The following GAK variants were observed in gnomAD, a reference collection of about 807,000 sequenced individuals.
The protein encoded by GAK is cyclin-G-associated kinase.
A neutral mutation model predicts 143.9 loss-of-function variants in GAK; 79 were observed. The observed-to-expected ratio is 0.55, with a 90% confidence interval of 0.46 to 0.66. GAK has a LOEUF of 0.66. GAK is among the 30% of genes least tolerant of loss of function. The probability of loss-of-function intolerance (pLI) is 0.00; values close to 1 mark genes in which losing one functional copy is unlikely to be tolerated. For synonymous variants in GAK, 881 were observed against 765.5 expected, an observed-to-expected ratio of 1.15 and a Z score of -2.49; for missense variants, 1,693 against 1,779.7, an observed-to-expected ratio of 0.95 and a Z score of 0.88.
intron 23 of GAK, among the ~76,000 whole-genome samples, chr4:861,314 G>A (rs546788934): frequency 6.6e-6 from 1 of 152,154 alleles, no homozygotes; most frequent in African/African-American, 2.4e-5. Flanking sequence ...AGGAAGGCCG[G>A]GTGCAGCAGC....
chr4:870,280 C>G lies in GAK; in HGVS notation c.2248+431G>C, dbSNP rs548729467. Among the ~76,000 whole-genome samples, 202 of 152,336 alleles carry G rather than the reference C, an allele frequency of 1.3e-3. 6 individuals carry two copies. The South Asian group carries it at 0.04, about 30-fold the overall frequency. On this transcript the variant is annotated intron_variant, in intron 19 of 27. Coordinates refer to ENST00000314167, the MANE Select transcript of GAK (RefSeq NM_005255.4). ...GGCCCACCTGCCAGCACTTCCTGGGCTGCCGTTTCGAAACTGCTCGGAAGT... is the reference window on the plus strand; with the variant it reads ...GGCCCACCTGCCAGCACTTCCTGGGGTGCCGTTTCGAAACTGCTCGGAAGT...
chr4:883,721 C>T (rs1029970587), intron 12 of GAK, among the ~76,000 whole-genome samples: 23 of 152,264 alleles, frequency 1.5e-4, no homozygotes, highest in Non-Finnish European at 2.9e-5. Flanking sequence ...GCCCTGTCTC[C>T]AGGTGTCGGG....
At chr4:911,825 T>C (rs776789422) in intron 3 of GAK, 38 bp from the exon 4 acceptor site, 6 of 1,465,234 alleles carry the variant, frequency 4.1e-6, no homozygotes, top group Non-Finnish European at 5.7e-6. Context: ...TACATAACCA[T>C]GTCCACAGTT....
rs993195244 is a variant in GAK at position 849,917 on chromosome 4, G to A, written c.3809C>T (p.Ala1270Val). The change falls in exon 27 of 28, where the codon GCG (alanine) becomes GTG (valine). Residue 1270 changes from alanine to valine, a missense_variant. Around this residue, in one of 2 missense-constraint regions of GAK, gnomAD observed 822 missense variants for 788.7 expected, o/e 1.04. Transcript: ENST00000314167. ...PEQVKKHYRR[A>V]VLAVHPDKAA... ...CTTGTCGGGGTGCACAGCCAGCACC[G>A]CGCGGCGATAGTGCTTCTTCACTTG... 13 of 1,500,564 alleles carry A rather than the reference G, an allele frequency of 8.7e-6. No homozygotes were observed. Among genetic ancestry groups the A allele is most frequent in the South Asian group, 1.1e-5 (1 of 89,092 alleles). The allele number at this position is 1,500,564 out of a possible 1,614,324, so 93.0% of individuals were successfully genotyped here.
In GAK at chr4:902,313, A is replaced by C. The variant is rs115384752; in HGVS notation, c.525+2324T>G. Among the ~76,000 whole-genome samples, 1,518 of 151,896 alleles carry C rather than the reference A, an allele frequency of 1.0e-2. 9 individuals are homozygous for C. Among genetic ancestry groups the C allele is most frequent in the Non-Finnish European group, 0.016 (1,059 of 67,952 alleles). ...AGTATCTGGGAGTGATAAGGCTTTA[A>C]AACTTTGGCAGCCTGGGAGCGGTGG... On this transcript the variant is annotated intron_variant, in intron 5 of 27. Coordinates refer to ENST00000314167, the MANE Select transcript of GAK (RefSeq NM_005255.4).
intron 22 of GAK, 79 bp from the exon 23 acceptor site, chr4:865,323 C>G: frequency 6.3e-7 from 1 of 1,586,904 alleles, no homozygotes; most frequent in Non-Finnish European, 8.6e-7. Flanking sequence ...AGGCTGTGCT[C>G]AGGGCCCTAG....
intron 22 of GAK, 30 bp downstream of exon 22, chr4:866,332 GGA>G (rs1560303124): frequency 6.2e-7 from 1 of 1,606,060 alleles, no homozygotes; most frequent in Admixed American, 1.7e-5. Context: ...AGGCGGCCAT[GGA>G]GAGCTGGCTG....
rs988150374 is a variant in GAK, at chr4:900,083, G to C, written c.526-1925C>G. Among the ~76,000 whole-genome samples the C allele has an allele frequency of 2.0e-5, 3 of 152,400 alleles. No homozygotes were observed. The Middle Eastern group carries it at 0.01, about 518-fold the overall frequency. On this transcript the variant is annotated intron_variant, in intron 5 of 27. Coordinates refer to ENST00000314167, the MANE Select transcript of GAK (RefSeq NM_005255.4). The stretch of plus-strand genomic sequence containing the variant: ...GCAGAGCACACAGCGGGGAGATGCA[G>C]TGGCACACGGCCACTGAAGGCCCAG...
chr4:868,238 C>T (rs1273528104), intron 20 of GAK, among the ~76,000 whole-genome samples: 1 of 152,212 alleles, frequency 6.6e-6, no homozygotes, highest in African/African-American at 2.4e-5. Context: ...TACCCAGGGG[C>T]CCCGCCAGCA....
At position 881,802 on chromosome 4, in the gene GAK, G is replaced by A. The variant is rs146766449; in HGVS notation, c.1661+105C>T. On this transcript the variant is annotated intron_variant, in intron 15 of 27. Coordinates refer to ENST00000314167, the MANE Select transcript of GAK (RefSeq NM_005255.4). Reference sequence around the variant, plus strand: ...GGCCGGGCCTGCCTTTCCCACCAGCGCCTGCAGCGGCACCGACTGGCCCTC... The same window carrying A: ...GGCCGGGCCTGCCTTTCCCACCAGCACCTGCAGCGGCACCGACTGGCCCTC... 122 of 1,329,172 alleles carry A rather than the reference G, an allele frequency of 9.2e-5. No homozygotes were observed. Among genetic ancestry groups the A allele is most frequent in the Admixed American group, 1.1e-4 (4 of 37,882 alleles). 82.3% of individuals were successfully genotyped at this position (1,329,172 alleles called of 1,614,324 possible). A position where few individuals can be genotyped will look rare whatever the true frequency, so the allele number is the denominator to read the frequency against.
intron 9 of GAK, 142 bp from the exon 10 acceptor site, chr4:890,764 C>T: frequency 1.6e-6 from 1 of 637,094 alleles, no homozygotes; most frequent in Non-Finnish European, 2.7e-6. Flanking sequence ...GAGGAACTTC[C>T]CACAGGCTGA....
At chr4:926,099 AC>A (rs1326044449) in intron 1 of GAK, among the ~76,000 whole-genome samples, 4 of 148,904 alleles carry the variant, frequency 2.7e-5, no homozygotes, top group African/African-American at 5.0e-5. Context: ...CGTCTAATTC[AC>A]CCCAGGGGGT....
rs764505106 is a variant in GAK at position 893,434 on chromosome 4, G to A, written c.933C>T (p.His311=). The change falls in exon 9 of 28, where the codon CAC becomes CAT. Residue 311 remains histidine (H), a synonymous_variant. Transcript: ENST00000314167. ...GGGCGGCCGCGATCTCCTGCAGCTG[G>A]TGCACCACCTCGGCGATGGACAGCC... ...EERLSIAEVV[H]QLQEIAAARN... 6.3e-7 allele frequency: 1 copy of A among 1,594,400 alleles called. No homozygotes were observed. The highest frequency in any genetic ancestry group is 8.5e-7 in the Non-Finnish European group (1 of 1,170,780).
chr4:850,222 T>G, intron 26 of GAK, 154 bp from the exon 27 acceptor site: 1 of 690,124 alleles, frequency 1.4e-6, no homozygotes, highest in Non-Finnish European at 2.4e-6. Context: ...CGCCCTGCCC[T>G]CAACTATATA....
chr4:849,765 GC>G lies in GAK; in HGVS notation c.3843del (p.Gln1282SerfsTer9). 6.2e-7 allele frequency: 1 copy of G among 1,612,472 alleles called. No homozygotes were observed. Among genetic ancestry groups the G allele is most frequent in the Non-Finnish European group, 8.5e-7 (1 of 1,179,270 alleles). On this transcript the variant is annotated frameshift_variant, in exon 28 of 28. Coordinates refer to ENST00000314167, the MANE Select transcript of GAK (RefSeq NM_005255.4). LOFTEE classifies it high-confidence loss of function. ...VLAVHPDKAA[G>X]QPYEQHAKMI... ...ATCTTGGCGTGCTGCTCGTACGGCT[GC>G]CCCGCAGCCTATGGGTGACAGGCGG... is the stretch of plus-strand genomic sequence containing the variant.
At chr4:929,687 T>TAAA (rs33930196) in intron 1 of GAK, among the ~76,000 whole-genome samples, 7 of 145,276 alleles carry the variant, frequency 4.8e-5, no homozygotes, top group East Asian at 4.0e-4. Flanking sequence ...TCTCTTAAAT[T>TAAA]AAAAAAAAAA....
intron 1 of GAK, 174 bp from the exon 2 acceptor site, chr4:913,842 A>C: frequency 1.9e-6 from 1 of 524,734 alleles, no homozygotes; most frequent in Non-Finnish European, 3.5e-6. Context: ...CCCAGCATAC[A>C]TGCCCCCACA....
Position 870,725 on chromosome 4 carries a change from A to G in GAK, c.2234T>C (p.Ile745Thr). Residue 745 changes from isoleucine to threonine, a missense_variant, in exon 19 of 28, where the codon ATT becomes ACT. Around this residue, in one of 2 missense-constraint regions of GAK, gnomAD observed 822 missense variants for 788.7 expected, o/e 1.04. Coordinates refer to ENST00000314167, the MANE Select transcript of GAK (RefSeq NM_005255.4). ...LFSSREEQQD[I>T]LSKFGKPELP... ...CGGGATCTTACCAAACTTAGACAGA[A>G]TGTCTTGCTGCTCCTCCCGGCTGGA... 6.2e-7 allele frequency: 1 copy of G among 1,613,804 alleles called. No individual in the cohort carries two copies. The highest frequency in any genetic ancestry group is 1.1e-5 in the South Asian group (1 of 91,038).
chr4:896,378 G>T, intron 7 of GAK, 82 bp downstream of exon 7: 1 of 990,116 alleles, frequency 1.0e-6, no homozygotes, highest in Non-Finnish European at 1.5e-6. Context: ...AGTTCCGAGT[G>T]GCAGGTGCCC....
Sources: gnomAD v4.1 joint callset for allele counts (sites outside exome capture counted in the v4.1 genomes callset) on GRCh38, gnomAD v4.1.1 for gene constraint, gnomAD v4.1.1 regional missense constraint, MANE v1.5 for transcripts, NCBI Gene and HGNC (gene_info 2026-07-23, HGNC 2026-07-21) for gene names.